Variants in PAX1 observed in about 807,000 individuals in gnomAD.
PAX1 encodes the protein paired box 1.
In PAX1, 18 loss-of-function variants were observed where a neutral mutation model predicts 35.6. The observed-to-expected ratio is 0.50, with a 90% CI of 0.35 to 0.75. The LOEUF (loss-of-function observed/expected upper bound fraction) is 0.75. Among genes scored for constraint, PAX1 ranks in the 30% least tolerant of loss-of-function variants. The pLI is 0.01. For missense variants in PAX1, 760 were observed against 661.5 expected, an observed-to-expected ratio of 1.15 and a Z score of -1.63; for synonymous variants, 397 against 305.2, an observed-to-expected ratio of 1.30 and a Z score of -3.14.
chr20:21,705,894 C>G lies in PAX1; in HGVS notation c.182C>G (p.Ser61Ter). 7.1e-7 allele frequency: 1 copy of G among 1,401,208 alleles called. No individual in the cohort carries two copies. Among genetic ancestry groups the G allele is most frequent in the Non-Finnish European group, 9.3e-7 (1 of 1,079,284 alleles). The allele number at this position is 1,401,208 out of a possible 1,614,324, so 86.8% of individuals were successfully genotyped here. The change falls in exon 1 of 5, where the codon TCA (serine) becomes TGA (stop). Residue 61 changes from serine to a stop codon, truncating the protein, a stop_gained. Transcript: ENST00000613128. LOFTEE classifies it high-confidence loss of function. Reference protein sequence around the residue: ...RLSGALPLCLSRGGGGAQALP... With the variant: ...RLSGALPLCL ...TCGGGCGCCCTCCCTCTATGCCTCT[C>G]ACGCGGCGGCGGCGGCGCCCAAGCT...
Position 21,715,051 on chromosome 20 carries a change from C to T in PAX1, c.*489C>T. The T allele has an allele frequency of 3.4e-6, 2 of 596,578 alleles. No individual in the cohort carries two copies. Among genetic ancestry groups the T allele is most frequent in the Non-Finnish European group, 5.9e-6 (2 of 336,450 alleles). 37.0% of individuals were successfully genotyped at this position (596,578 alleles called of 1,614,324 possible). ...TCCACTCTCTTTTCCTTGCTCCGAC[C>T]TCTGCTCCAGTCCCGCTTCTTCCCC... On this transcript the variant is annotated 3_prime_UTR_variant, in exon 5 of 5. Coordinates refer to ENST00000613128, the MANE Select transcript of PAX1 (RefSeq NM_001257096.2).
chr20:21,707,388 A>G lies in PAX1; in HGVS notation c.916+321A>G, dbSNP rs146471288. 5.2e-4 allele frequency among the ~76,000 whole-genome samples: 79 copies of G among 152,270 alleles called. 1 individual carries two copies. Among genetic ancestry groups the G allele is most frequent in the African/African-American group, 1.4e-3 (60 of 41,564 alleles). Reference sequence around the variant, plus strand: ...GTTGCCAAATCTAAGGGGGAAAAAAACCCGCTCAATTTTGAGACCCTTTCT... The same window carrying G: ...GTTGCCAAATCTAAGGGGGAAAAAAGCCCGCTCAATTTTGAGACCCTTTCT... On this transcript the variant is annotated intron_variant, in intron 2 of 4. Transcript: ENST00000613128.
chr20:21,713,382 T>TTGTGTGTGTG (rs1026316842), intron 4 of PAX1, among the ~76,000 whole-genome samples: 2 of 146,378 alleles, frequency 1.4e-5, no homozygotes, highest in East Asian at 2.1e-4. Context: ...TCTTTTTTTT[T>TTGTGTGTGTG]TGTGTGTGTG....
rs185105091 is a variant in PAX1 at position 21,706,405 on chromosome 20, C to A, written c.287-33C>A. ...GCTAACCCGCCGGGTGTTTTCTCCCCCTCCGGCTCACTCTTGTCTGGCGCA... is the reference window on the plus strand; with the variant it reads ...GCTAACCCGCCGGGTGTTTTCTCCCACTCCGGCTCACTCTTGTCTGGCGCA... On this transcript the variant is annotated intron_variant, in intron 1 of 4. Transcript: ENST00000613128. The surrounding 1 kb of genome is among the most constrained non-coding windows in gnomAD (Gnocchi z 5.3). 283 of 1,609,446 alleles carry A rather than the reference C, an allele frequency of 1.8e-4. 1 individual carries two copies. The East Asian group carries it at 5.9e-3, about 34-fold the overall frequency.
intron 3 of PAX1, 121 bp downstream of exon 3, chr20:21,708,821 C>T: frequency 9.9e-7 from 1 of 1,014,844 alleles, no homozygotes; most frequent in Non-Finnish European, 1.5e-6. Context: ...TTGTATCTGG[C>T]AGCCGGCTAG....
At position 21,706,165 on chromosome 20, in the gene PAX1, G is replaced by A. The variant is rs1984985770; in HGVS notation, c.286+167G>A. 6.4e-6 allele frequency: 5 copies of A among 781,034 alleles called. No individual in the cohort carries two copies. The highest frequency in any genetic ancestry group is 3.3e-4 in the Middle Eastern group (1 of 3,040). 48.4% of individuals were successfully genotyped at this position (781,034 alleles called of 1,614,324 possible). On this transcript the variant is annotated intron_variant, in intron 1 of 4. Coordinates refer to ENST00000613128, the MANE Select transcript of PAX1 (RefSeq NM_001257096.2). The surrounding 1 kb of genome is among the most constrained non-coding windows in gnomAD (Gnocchi z 5.3). ...CTTCAGGGGGCAGTTGAGCAAGTCT[G>A]GGAAGGGAGTGTTCCAAGTAGACGC...
In PAX1 at chr20:21,708,306, G is replaced by C. The variant is rs1214620903; in HGVS notation, c.917-252G>C. 9.8e-6 allele frequency: 6 copies of C among 610,870 alleles called. No homozygotes were observed. The Admixed American group carries it at 1.3e-4, about 13-fold the overall frequency. 37.8% of individuals were successfully genotyped at this position (610,870 alleles called of 1,614,324 possible). On this transcript the variant is annotated intron_variant, in intron 2 of 4. Coordinates refer to ENST00000613128, the MANE Select transcript of PAX1 (RefSeq NM_001257096.2). ...CCGAGTCTGCCCAGGCTTTGACTCA[G>C]CAGCAGCCTCCCGTTCGTGGGAAAC...
Position 21,706,611 on chromosome 20 carries a change from T to C in PAX1, c.460T>C (p.Tyr154His), listed in dbSNP as rs1244157023. 6.2e-7 allele frequency: 1 copy of C among 1,612,226 alleles called. No individual in the cohort carries two copies. Reference protein sequence around the residue: ...HGCVSKILARYNETGSILPGA... With the variant: ...HGCVSKILARHNETGSILPGA... ...CTGCGTGAGCAAGATCCTGGCGCGC[T>C]ACAACGAGACCGGCTCCATTCTGCC... Residue 154 changes from tyrosine to histidine, a missense_variant, in exon 2 of 5, where the codon TAC (tyrosine) becomes CAC (histidine). Around this residue, in one of 3 missense-constraint regions of PAX1, gnomAD observed 490 missense variants for 428.4 expected, o/e 1.14. Transcript: ENST00000613128. The surrounding 1 kb of genome is among the most constrained non-coding windows in gnomAD (Gnocchi z 5.3).
In PAX1 at chr20:21,715,167, TCAAGGGC is replaced by T. The variant is rs1413452551; in HGVS notation, c.*607_*613del. On this transcript the variant is annotated 3_prime_UTR_variant, in exon 5 of 5. Coordinates refer to ENST00000613128, the MANE Select transcript of PAX1 (RefSeq NM_001257096.2). ...TCTCTCTCTGTCTCTGGTTCTACTGTCAAGGGCCCTAGTTCCCTTTGTTTTACTGCTT... is the reference window on the plus strand; with the variant it reads ...TCTCTCTCTGTCTCTGGTTCTACTGTCCTAGTTCCCTTTGTTTTACTGCTT... 2 of 347,252 alleles carry T rather than the reference TCAAGGGC, an allele frequency of 5.8e-6. No homozygotes were observed. The highest frequency in any genetic ancestry group is 1.5e-4 in the East Asian group (2 of 13,572). 21.5% of individuals were successfully genotyped at this position (347,252 alleles called of 1,614,324 possible).
Position 21,715,829 on chromosome 20 carries a change from C to T in PAX1, c.*1267C>T, listed in dbSNP as rs991109802. ...CCAGAAAGTATCTTCTAGAGCCAGCCGCAAGAGCTGTGAGCTGCTTCCAAG... is the reference window on the plus strand; with the variant it reads ...CCAGAAAGTATCTTCTAGAGCCAGCTGCAAGAGCTGTGAGCTGCTTCCAAG... On this transcript the variant is annotated 3_prime_UTR_variant, in exon 5 of 5. Transcript: ENST00000613128. 1 of 152,630 alleles carries T rather than the reference C, an allele frequency of 6.6e-6. No individual in the cohort carries two copies. The highest frequency in any genetic ancestry group is 1.5e-5 in the Non-Finnish European group (1 of 68,418). The allele number at this position is 152,630 out of a possible 1,614,324, so 9.5% of individuals were successfully genotyped here. A position where few individuals can be genotyped will look rare whatever the true frequency, so the allele number is the denominator to read the frequency against.
In PAX1 at chr20:21,714,788, T is replaced by C. The variant is rs1985314924; in HGVS notation, c.*226T>C. On this transcript the variant is annotated 3_prime_UTR_variant, in exon 5 of 5. Coordinates refer to ENST00000613128, the MANE Select transcript of PAX1 (RefSeq NM_001257096.2). ...ATTGGTCTGGGTTTTTAGGCTTCTC[T>C]GAACTTGGGTTTTAGACTGCCGTAC... 2 of 1,600,194 alleles carry C rather than the reference T, an allele frequency of 1.2e-6. No homozygotes were observed. The highest frequency in any genetic ancestry group is 3.3e-5 in the Admixed American group (2 of 60,006).
chr20:21,714,283 G>T (rs1482485355), intron 4 of PAX1, among the ~76,000 whole-genome samples, 188 bp from the exon 5 acceptor site: 1 of 152,172 alleles, frequency 6.6e-6, no homozygotes, highest in Admixed American at 6.5e-5. Flanking sequence ...TCTCCTAGCG[G>T]GAGAGGAAGG....
Position 21,715,267 on chromosome 20 carries a change from G to T in PAX1, c.*705G>T. 5.3e-6 allele frequency: 1 copy of T among 188,610 alleles called. No individual in the cohort carries two copies. The allele number at this position is 188,610 out of a possible 1,614,324, so 11.7% of individuals were successfully genotyped here. ...GGTGACAGTCCCTTCTCTGGCACCT[G>T]GGACTTTGTAGCCTTCACTCCTCTG... On this transcript the variant is annotated 3_prime_UTR_variant, in exon 5 of 5. Coordinates refer to ENST00000613128, the MANE Select transcript of PAX1 (RefSeq NM_001257096.2).
chr20:21,709,267 G>C lies in PAX1; in HGVS notation c.1105G>C (p.Ala369Pro). Residue 369 changes from alanine to proline, a missense_variant, in exon 4 of 5, where the codon GCC (alanine) becomes CCC (proline). Physicochemically the swap from Ala to Pro is conservative, Grantham distance 27. Coordinates refer to ENST00000613128, the MANE Select transcript of PAX1 (RefSeq NM_001257096.2). ...SAVGGFLPACAYPASNQHGVY... is the reference protein window; with the variant it reads ...SAVGGFLPACPYPASNQHGVY... ...CGTGGGCGGCTTTCTCCCCGCCTGC[G>C]CCTACCCGGCCTCCAACCAGCACGG... is the stretch of plus-strand genomic sequence containing the variant. 6.2e-7 allele frequency: 1 copy of C among 1,605,930 alleles called. No homozygotes were observed.
Position 21,715,099 on chromosome 20 carries a change from A to G in PAX1, c.*537A>G, listed in dbSNP as rs1600330442. 5.8e-6 allele frequency: 3 copies of G among 521,020 alleles called. No homozygotes were observed. The highest frequency in any genetic ancestry group is 1.0e-5 in the Non-Finnish European group (3 of 289,664). 32.3% of individuals were successfully genotyped at this position (521,020 alleles called of 1,614,324 possible). A position where few individuals can be genotyped will look rare whatever the true frequency, so the allele number is the denominator to read the frequency against. ...CCCCGTCTCCTCTTTCTAGTCCTCT[A>G]TATGCTATCAGCCCTTTTTCCTGGT... On this transcript the variant is annotated 3_prime_UTR_variant, in exon 5 of 5. Transcript: ENST00000613128.
intron 2 of PAX1, chr20:21,708,126 G>A (rs951918363): frequency 1.6e-5 from 5 of 308,950 alleles, no homozygotes; most frequent in African/African-American, 6.5e-5. Flanking sequence ...GGAAACCCTG[G>A]GCGTTTCCAG....
At position 21,715,578 on chromosome 20, in the gene PAX1, G is replaced by C. The variant is rs1985345379; in HGVS notation, c.*1016G>C. 1 of 152,290 alleles carries C rather than the reference G, an allele frequency of 6.6e-6. No homozygotes were observed. Among genetic ancestry groups the C allele is most frequent in the Non-Finnish European group, 1.5e-5 (1 of 68,262 alleles). 9.4% of individuals were successfully genotyped at this position (152,290 alleles called of 1,614,324 possible). A position where few individuals can be genotyped will look rare whatever the true frequency, so the allele number is the denominator to read the frequency against. ...GTGTTTTCAGTGCTTAGAAAACTGGGTTGTCCTGCAGGTGTCTCCTCCCAC... is the reference window on the plus strand; with the variant it reads ...GTGTTTTCAGTGCTTAGAAAACTGGCTTGTCCTGCAGGTGTCTCCTCCCAC... On this transcript the variant is annotated 3_prime_UTR_variant, in exon 5 of 5. Coordinates refer to ENST00000613128, the MANE Select transcript of PAX1 (RefSeq NM_001257096.2).
At chr20:21,707,289 G>A (rs1224438226) in intron 2 of PAX1, among the ~76,000 whole-genome samples, 2 of 152,132 alleles carry the variant, frequency 1.3e-5, no homozygotes, top group African/African-American at 4.8e-5. Context: ...CCAAATAGAA[G>A]AGCAATCGCC....
intron 4 of PAX1, 67 bp from the exon 5 acceptor site, chr20:21,714,404 G>C (rs1985294734): frequency 2.5e-6 from 3 of 1,218,578 alleles, no homozygotes; most frequent in African/African-American, 3.0e-5. Context: ...GGCGTCCTGA[G>C]TCCCAGTGCC....
Sources: allele counts gnomAD v4.1 joint callset (sites outside exome capture counted in the v4.1 genomes callset), GRCh38; gene constraint gnomAD v4.1.1; regional missense constraint gnomAD v4.1.1; non-coding constraint Gnocchi (gnomAD v3.1); transcripts MANE v1.5; gene names NCBI Gene and HGNC (gene_info 2026-07-23, HGNC 2026-07-21).